Variants in CACNA2D3 observed in about 807,000 individuals in gnomAD.
The protein encoded by CACNA2D3 is calcium voltage-gated channel auxiliary subunit alpha2delta 3.
Under a neutral mutation model 160.6 loss-of-function variants are expected in CACNA2D3, and 60 were observed. The ratio of observed to expected loss-of-function variants is 0.37; its 90% CI spans 0.30 to 0.46. CACNA2D3 has a LOEUF of 0.46. CACNA2D3 is among the 20% of genes least tolerant of loss of function. CACNA2D3 has a pLI of 1.00. For missense variants in CACNA2D3, 1,205 were observed against 1,365.0 expected (o/e 0.88, Z 1.85); for synonymous variants, 558 against 492.9 (o/e 1.13, Z -1.75).
intron 15 of CACNA2D3, among the ~76,000 whole-genome samples, chr3:54,837,730 T>C (rs1224807845): frequency 1.3e-5 from 2 of 152,168 alleles, no homozygotes; most frequent in African/African-American, 4.8e-5. Flanking sequence ...CAGCATTCCT[T>C]GGCTTGTGGC....
chr3:54,197,222 C>G (rs1234027577), intron 2 of CACNA2D3: 1 of 152,114 alleles, frequency 6.6e-6, no homozygotes, highest in East Asian at 1.9e-4. Context: ...GTCGCTGTCT[C>G]CTTCCATCAG....
chr3:54,633,223 CCTGAATTA>C (rs1357995033), intron 10 of CACNA2D3, among the ~76,000 whole-genome samples: 1 of 152,150 alleles, frequency 6.6e-6, no homozygotes, highest in Non-Finnish European at 1.5e-5. Context: ...TACTGATCTT[CCTGAATTA>C]CTGAAAGGCC....
intron 3 of CACNA2D3, among the ~76,000 whole-genome samples, chr3:54,381,342 G>A (rs1699099438): frequency 6.6e-6 from 1 of 151,928 alleles, no homozygotes; most frequent in Non-Finnish European, 1.5e-5. Context: ...TACACAATTT[G>A]TTCATTGTGA....
At chr3:54,729,425 TAGCTAGA>T (rs1457558358) in intron 11 of CACNA2D3, among the ~76,000 whole-genome samples, 1 of 151,542 alleles carries the variant, frequency 6.6e-6, no homozygotes, top group South Asian at 2.1e-4. Context: ...TAGTCCATCA[TAGCTAGA>T]AGCAGAATTT....
At chr3:54,847,867 T>G (rs1470668663) in intron 17 of CACNA2D3, among the ~76,000 whole-genome samples, 1 of 148,526 alleles carries the variant, frequency 6.7e-6, no homozygotes, top group Non-Finnish European at 1.5e-5. Flanking sequence ...AGTTACAAGT[T>G]TGCGTGACAG....
chr3:54,616,982 G>C (rs1698866480), intron 9 of CACNA2D3, among the ~76,000 whole-genome samples: 1 of 152,082 alleles, frequency 6.6e-6, no homozygotes, highest in Admixed American at 6.5e-5. Context: ...TTTCTGCTGG[G>C]CCTGAAAACA....
chr3:55,006,096 T>C (rs1703087162), intron 32 of CACNA2D3, among the ~76,000 whole-genome samples: 1 of 152,228 alleles, frequency 6.6e-6, no homozygotes, highest in Non-Finnish European at 1.5e-5. Flanking sequence ...TCACTATGTC[T>C]TTCTAACCCA....
At chr3:54,618,377 A>ATATATT (rs1261954509) in intron 9 of CACNA2D3, among the ~76,000 whole-genome samples, 1 of 122,066 alleles carries the variant, frequency 8.2e-6, no homozygotes, top group Non-Finnish European at 1.7e-5. Context: ...ATATATATGC[A>ATATATT]CACACACACA....
intron 2 of CACNA2D3, among the ~76,000 whole-genome samples, chr3:54,264,146 C>G (rs375666393): frequency 6.6e-6 from 1 of 152,136 alleles, no homozygotes; most frequent in Non-Finnish European, 1.5e-5. Context: ...TTAACATAAT[C>G]GGCTCTGGTG....
intron 4 of CACNA2D3, among the ~76,000 whole-genome samples, chr3:54,474,610 T>C (rs1700796131): frequency 6.6e-6 from 1 of 151,894 alleles, no homozygotes; most frequent in South Asian, 2.1e-4. Context: ...ATTTTGGCTA[T>C]AATTGAAGAA....
intron 4 of CACNA2D3, among the ~76,000 whole-genome samples, chr3:54,478,375 G>A (rs1006197957): frequency 3.9e-5 from 6 of 151,928 alleles, no homozygotes; most frequent in Non-Finnish European, 8.8e-5. Flanking sequence ...GCTCACACCT[G>A]TAATTCCAGC....
intron 2 of CACNA2D3, among the ~76,000 whole-genome samples, chr3:54,295,649 C>G (rs954686147): frequency 6.6e-6 from 1 of 152,170 alleles, no homozygotes; most frequent in Non-Finnish European, 1.5e-5. Context: ...CAGGAATAGT[C>G]ACTTATGCCT....
intron 2 of CACNA2D3, among the ~76,000 whole-genome samples, chr3:54,248,337 C>A (rs921399402): frequency 6.6e-6 from 1 of 151,652 alleles, no homozygotes; most frequent in Non-Finnish European, 1.5e-5. Flanking sequence ...AAAAATTAGC[C>A]GGGCATGGTG....
At chr3:54,782,702 A>C (rs1702558596) in intron 13 of CACNA2D3, among the ~76,000 whole-genome samples, 1 of 150,064 alleles carries the variant, frequency 6.7e-6, no homozygotes, top group African/African-American at 2.5e-5. Flanking sequence ...TGAGAAAAAG[A>C]AAAAAAAAAG....
intron 27 of CACNA2D3, among the ~76,000 whole-genome samples, chr3:54,926,527 C>T (rs1376040781): frequency 6.6e-6 from 1 of 150,590 alleles, no homozygotes; most frequent in African/African-American, 2.4e-5. Context: ...CACACACACA[C>T]ACACACACAC....
intron 29 of CACNA2D3, among the ~76,000 whole-genome samples, chr3:54,980,698 T>C (rs1319167678): frequency 6.6e-6 from 1 of 152,190 alleles, no homozygotes; most frequent in Non-Finnish European, 1.5e-5. Context: ...GGCATGACTC[T>C]CCATATGTCC....
intron 13 of CACNA2D3, among the ~76,000 whole-genome samples, chr3:54,800,012 T>C (rs1268758575): frequency 3.9e-5 from 6 of 152,186 alleles, no homozygotes; most frequent in Non-Finnish European, 8.8e-5. Flanking sequence ...ATGCATAAAT[T>C]ATGAAACATT....
At chr3:54,914,972 C>A (rs1302912941) in intron 27 of CACNA2D3, among the ~76,000 whole-genome samples, 4 of 152,082 alleles carry the variant, frequency 2.6e-5, no homozygotes, top group Admixed American at 2.0e-4. Flanking sequence ...AGTTTAACCA[C>A]TTCCTTTGAT....
intron 2 of CACNA2D3, among the ~76,000 whole-genome samples, chr3:54,300,671 C>T (rs959416424): frequency 6.6e-6 from 1 of 152,140 alleles, no homozygotes; most frequent in African/African-American, 2.4e-5. Flanking sequence ...ATGTCATTGT[C>T]ACCAATTCTG....
Sources: gnomAD v4.1 joint callset for allele counts (sites outside exome capture counted in the v4.1 genomes callset) on GRCh38, gnomAD v4.1.1 for gene constraint, MANE v1.5 for transcripts, NCBI Gene and HGNC (gene_info 2026-07-23, HGNC 2026-07-21) for gene names.